The following KIF2C variants were observed in gnomAD, a reference collection of about 807,000 sequenced individuals.
KIF2C encodes kinesin-like protein KIF2C.
In KIF2C, 34 loss-of-function variants were observed where a neutral mutation model predicts 97.4. The observed-to-expected ratio is 0.35, with a 90% CI of 0.27 to 0.46. The LOEUF is 0.46. KIF2C is among the 20% of genes least tolerant of loss of function. KIF2C has a pLI of 1.00. For missense variants in KIF2C, 750 were observed against 907.6 expected, an observed-to-expected ratio of 0.83 and a Z score of 2.23; for synonymous variants, 313 against 318.2, an observed-to-expected ratio of 0.98 and a Z score of 0.17.
intron 2 of KIF2C, among the ~76,000 whole-genome samples, chr1:44,743,653 A>T (rs1224428816): frequency 6.6e-6 from 1 of 152,190 alleles, no homozygotes; most frequent in Non-Finnish European, 1.5e-5. Context: ...TTAGCCAGTC[A>T]TAGTGGCTTG....
In KIF2C at chr1:44,750,491, C is replaced by T. The variant is rs1330235822; in HGVS notation, c.366C>T (p.Ile122=). ...TRMSTVSELR[I]TAQENDMEVE... is the part of the protein sequence containing the mutation. ...TGTCCACTGTCTCAGAGCTTCGCAT[C>T]ACGGCTCAGGAGAATGACATGGAGG... Residue 122 remains isoleucine, a synonymous_variant, in exon 5 of 21, where the codon ATC becomes ATT. Transcript: ENST00000372224. The T allele has an allele frequency of 2.5e-6, 4 of 1,593,602 alleles. No homozygotes were observed. In the African/African-American group the frequency reaches 5.4e-5, roughly 21 times the overall value.
intron 2 of KIF2C, 113 bp downstream of exon 2, chr1:44,741,120 C>T (rs1462512136): frequency 6.6e-6 from 5 of 755,708 alleles, no homozygotes; most frequent in Middle Eastern, 5.0e-4. Flanking sequence ...TTCTCACTCA[C>T]GCCTGTAATC....
chr1:44,748,910 C>G (rs955327010), intron 4 of KIF2C, among the ~76,000 whole-genome samples: 2 of 151,750 alleles, frequency 1.3e-5, no homozygotes, highest in Non-Finnish European at 2.9e-5. Flanking sequence ...GAACTCCTAG[C>G]TTCAAGCAGT....
chr1:44,760,807 G>C lies in KIF2C; in HGVS notation c.1683+105G>C. ...GGCTGGAAGCTCAGCACTGCTGGCT[G>C]CCTGGGTTTCCAGGCTGTACCGTGA... On this transcript the variant is annotated intron_variant, in intron 16 of 20. Transcript: ENST00000372224. The surrounding 1 kb of genome is among the most constrained non-coding windows in gnomAD (Gnocchi z 4.2). 18 of 922,534 alleles carry C rather than the reference G, an allele frequency of 2.0e-5. No homozygotes were observed. In the South Asian group the frequency reaches 2.2e-4, roughly 12 times the overall value. 57.1% of individuals were successfully genotyped at this position (922,534 alleles called of 1,614,324 possible). A position where few individuals can be genotyped will look rare whatever the true frequency, so the allele number is the denominator to read the frequency against.
intron 2 of KIF2C, 69 bp from the exon 3 acceptor site, chr1:44,747,315 A>G (rs2148823149): frequency 7.2e-7 from 1 of 1,384,244 alleles, no homozygotes; most frequent in Admixed American, 2.1e-5. Context: ...CTCAAAAAAA[A>G]AAAAAAAGAA....
At chr1:44,742,769 C>T (rs1454877917) in intron 2 of KIF2C, among the ~76,000 whole-genome samples, 2 of 147,764 alleles carry the variant, frequency 1.4e-5, no homozygotes, top group Non-Finnish European at 3.0e-5. Context: ...TTTTAGAAAA[C>T]TTTGCTTGCC....
At chr1:44,746,552 C>T (rs940544193) in intron 2 of KIF2C, 3 of 1,348,048 alleles carry the variant, frequency 2.2e-6, no homozygotes, top group African/African-American at 3.0e-5. Flanking sequence ...AACTTGTTTC[C>T]TCCTCCGTGT....
intron 4 of KIF2C, among the ~76,000 whole-genome samples, chr1:44,749,359 G>A (rs779039907): frequency 1.5e-4 from 23 of 151,870 alleles, no homozygotes; most frequent in South Asian, 2.1e-4. Flanking sequence ...GTTTGAGCCC[G>A]GGGGGGCAGA....
Position 44,760,747 on chromosome 1 carries a change from G to C in KIF2C, c.1683+45G>C, listed in dbSNP as rs1322723677. The C allele has an allele frequency of 1.3e-6, 2 of 1,502,170 alleles. No homozygotes were observed. The highest frequency in any genetic ancestry group is 1.7e-5 in the Admixed American group (1 of 58,778). The allele number at this position is 1,502,170 out of a possible 1,614,324, so 93.1% of individuals were successfully genotyped here. A position where few individuals can be genotyped will look rare whatever the true frequency, so the allele number is the denominator to read the frequency against. ...AGGTGATGGTACAGGAGGAGACAGA[G>C]TTGCTTTCCACAGAGACACTTAGTC... is the stretch of plus-strand genomic sequence containing the variant. On this transcript the variant is annotated intron_variant, in intron 16 of 20. Transcript: ENST00000372224. This position sits in a 1 kb window ranked among gnomAD's most constrained non-coding sequence, Gnocchi z 4.2.
chr1:44,767,707 T>G lies in KIF2C; in HGVS notation c.*528T>G, dbSNP rs1395051154. On this transcript the variant is annotated 3_prime_UTR_variant, in exon 21 of 21. Coordinates refer to ENST00000372224, the MANE Select transcript of KIF2C (RefSeq NM_006845.4). ...TCCCTACTGTTTTCTGTTTTATGTGTTTATACATTGTATGTAACAATAAAG... is the reference window on the plus strand; with the variant it reads ...TCCCTACTGTTTTCTGTTTTATGTGGTTATACATTGTATGTAACAATAAAG... 1 of 159,524 alleles carries G rather than the reference T, an allele frequency of 6.3e-6. No homozygotes were observed. Among genetic ancestry groups the G allele is most frequent in the East Asian group, 1.9e-4 (1 of 5,396 alleles). 9.9% of individuals were successfully genotyped at this position (159,524 alleles called of 1,614,324 possible).
intron 2 of KIF2C, chr1:44,746,285 G>A: frequency 1.2e-6 from 1 of 804,578 alleles, no homozygotes; most frequent in Non-Finnish European, 1.5e-6. Flanking sequence ...GTCTGAACCT[G>A]TTGTAAAGCT....
In KIF2C at chr1:44,762,358, G is replaced by C; in HGVS notation, c.1764G>C (p.Leu588=). 1 of 1,614,012 alleles carries C rather than the reference G, an allele frequency of 6.2e-7. No individual in the cohort carries two copies. Among genetic ancestry groups the C allele is most frequent in the South Asian group, 1.1e-5 (1 of 91,042 alleles). ...CTTGTTTCCTCAGGGTCAAGGAGCT[G>C]AGCCCCCACAGTGGGCCCAGTGGAG... ...TLRYADRVKE[L]SPHSGPSGEQ... Residue 588 remains leucine, a synonymous_variant, in exon 18 of 21, where the codon CTG becomes CTC. Transcript: ENST00000372224.
In KIF2C at chr1:44,767,323, C is replaced by T. The variant is rs1405692256; in HGVS notation, c.*144C>T. On this transcript the variant is annotated 3_prime_UTR_variant, in exon 21 of 21. Coordinates refer to ENST00000372224, the MANE Select transcript of KIF2C (RefSeq NM_006845.4). Reference sequence around the variant, plus strand: ...TGCCAAGTATGGGGGCATCTGGGCCCAGGGCAGCTGGGGAGGGGGTCAGAG... The same window carrying T: ...TGCCAAGTATGGGGGCATCTGGGCCTAGGGCAGCTGGGGAGGGGGTCAGAG... 5 of 655,850 alleles carry T rather than the reference C, an allele frequency of 7.6e-6. No individual in the cohort carries two copies. Among genetic ancestry groups the T allele is most frequent in the Middle Eastern group, 3.5e-4 (1 of 2,856 alleles). 40.6% of individuals were successfully genotyped at this position (655,850 alleles called of 1,614,324 possible).
chr1:44,742,258 C>T (rs935224141), intron 2 of KIF2C, among the ~76,000 whole-genome samples: 1 of 151,800 alleles, frequency 6.6e-6, no homozygotes, highest in Non-Finnish European at 1.5e-5. Context: ...TACAGGTGCC[C>T]GCCACTACGC....
intron 19 of KIF2C, among the ~76,000 whole-genome samples, chr1:44,765,465 AAAAGAAAG>A (rs145426130): frequency 5.3e-5 from 8 of 151,716 alleles, no homozygotes; most frequent in East Asian, 1.9e-4. Context: ...TAATAATAAA[AAAAGAAAG>A]AAAGAAAGAA....
In KIF2C at chr1:44,750,451, G is replaced by T; in HGVS notation, c.326G>T (p.Ser109Ile). The stretch of plus-strand genomic sequence containing the variant: ...GCTCTCGGTTCTCCAGGTCTTCGAA[G>T]CCGCTCCACTCGCATGTCCACTGTC... ...KIPAPKESLR[S>I]RSTRMSTVSE... is the part of the protein sequence containing the mutation. Residue 109 changes from serine (S) to isoleucine (I), a missense_variant, in exon 5 of 21, where the codon AGC becomes ATC. Ser to Ile is a moderately radical substitution (Grantham distance 142, BLOSUM62 -2). Transcript: ENST00000372224. The T allele has an allele frequency of 6.7e-7, 1 of 1,482,588 alleles. No homozygotes were observed. The highest frequency in any genetic ancestry group is 9.0e-7 in the Non-Finnish European group (1 of 1,105,816). 91.8% of individuals were successfully genotyped at this position (1,482,588 alleles called of 1,614,324 possible).
chr1:44,747,073 C>T (rs765329353), intron 2 of KIF2C, among the ~76,000 whole-genome samples: 14 of 151,820 alleles, frequency 9.2e-5, no homozygotes, highest in East Asian at 1.9e-4. Flanking sequence ...TTTAGGAGGC[C>T]GAGGTGGGGA....
chr1:44,745,100 A>G (rs1649115736), intron 2 of KIF2C, among the ~76,000 whole-genome samples: 1 of 151,938 alleles, frequency 6.6e-6, no homozygotes, highest in Non-Finnish European at 1.5e-5. Flanking sequence ...GAGGCAGGAG[A>G]ATCACTTGAA....
In KIF2C at chr1:44,757,912, T is replaced by C; in HGVS notation, c.1073T>C (p.Met358Thr). The C allele has an allele frequency of 1.2e-6, 2 of 1,614,136 alleles. No homozygotes were observed. The highest frequency in any genetic ancestry group is 1.7e-6 in the Non-Finnish European group (2 of 1,179,994). ...TTCTACCCCTTCCCTTTGCAGACTA[T>C]GGGCGGAGACCTCTCTGGGAAAGCC... is the stretch of plus-strand genomic sequence containing the variant. ...GQTGSGKTHT[M>T]GGDLSGKAQN... is the part of the protein sequence containing the mutation. Residue 358 changes from methionine to threonine, a missense_variant, in exon 12 of 21, where the codon ATG becomes ACG. Transcript: ENST00000372224.
Sources: gnomAD v4.1 joint callset for allele counts (sites outside exome capture counted in the v4.1 genomes callset) on GRCh38, gnomAD v4.1.1 for gene constraint, Gnocchi (gnomAD v3.1) non-coding constraint, MANE v1.5 for transcripts, NCBI Gene and HGNC (gene_info 2026-07-23, HGNC 2026-07-21) for gene names.